GHR: variants seen among roughly 807,000 people sequenced by gnomAD.
GHR encodes the protein growth hormone receptor, also known as GH receptor.
Under a neutral mutation model 67.1 loss-of-function variants are expected in GHR, and 35 were observed. That is an observed-to-expected ratio of 0.52 (90% confidence interval 0.40 to 0.69). GHR has a LOEUF of 0.69. GHR is among the 30% of genes least tolerant of loss of function. The probability of loss-of-function intolerance (pLI) is 0.00; values close to 1 mark genes in which losing one functional copy is unlikely to be tolerated. For synonymous variants in GHR, 272 were observed against 269.1 expected, an observed-to-expected ratio of 1.01 and a Z score of -0.10; for missense variants, 792 against 764.6, an observed-to-expected ratio of 1.04 and a Z score of -0.42.
At chr5:42,692,096 A>C (rs1757448047) in intron 4 of GHR, among the ~76,000 whole-genome samples, 1 of 152,180 alleles carries the variant, frequency 6.6e-6, no homozygotes, top group Non-Finnish European at 1.5e-5. Context: ...TTTCTATACA[A>C]GGTTGTGTGG....
chr5:42,718,772 A>G lies in GHR; in HGVS notation c.1265A>G (p.Asp422Gly). The change falls in exon 10 of 10, where the codon GAT (aspartate) becomes GGT (glycine). Residue 422 changes from aspartate (D) to glycine (G), a missense_variant. By Grantham distance (94) the Asp-to-Gly change is moderately conservative. Transcript: ENST00000230882. Reference protein sequence around the residue: ...AQPQRLKGEADLLCLDQKNQN... With the variant: ...AQPQRLKGEAGLLCLDQKNQN... ...CCACAGAGGTTAAAAGGGGAAGCAG[A>G]TCTCTTATGCCTTGACCAGAAGAAT... The G allele has an allele frequency of 6.2e-7, 1 of 1,614,162 alleles. No homozygotes were observed. The highest frequency in any genetic ancestry group is 8.5e-7 in the Non-Finnish European group (1 of 1,180,018).
chr5:42,674,661 C>T lies in GHR; in HGVS notation c.137-14229C>T, dbSNP rs548096186. Among the ~76,000 whole-genome samples the T allele has an allele frequency of 5.9e-5, 9 of 152,254 alleles. 3 individuals carry two copies. Among genetic ancestry groups the T allele is most frequent in the African/African-American group, 1.9e-4 (8 of 41,568 alleles). On this transcript the variant is annotated intron_variant, in intron 3 of 9. Coordinates refer to ENST00000230882, the MANE Select transcript of GHR (RefSeq NM_000163.5). ...ATAGCAACATATTTTCAAGGTCATT[C>T]GTGTTGTAGCATGTATCAGTATTTT...
chr5:42,463,328 A>G (rs1304072454), intron 1 of GHR, among the ~76,000 whole-genome samples: 1 of 152,230 alleles, frequency 6.6e-6, no homozygotes, highest in Non-Finnish European at 1.5e-5. Flanking sequence ...AAATGTTTTT[A>G]TGCCTTGTTG....
At chr5:42,653,169 G>C (rs1755090961) in intron 3 of GHR, among the ~76,000 whole-genome samples, 1 of 152,130 alleles carries the variant, frequency 6.6e-6, no homozygotes, top group East Asian at 1.9e-4. Flanking sequence ...ATGAGCTTTA[G>C]TATGTGGATA....
intron 1 of GHR, among the ~76,000 whole-genome samples, chr5:42,432,484 A>G (rs1743137391): frequency 6.6e-6 from 1 of 152,224 alleles, no homozygotes; most frequent in Non-Finnish European, 1.5e-5. Flanking sequence ...CTTCGTCACT[A>G]TGTGGCACAT....
rs192379213 is a variant in GHR at position 42,433,365 on chromosome 5, T to A, written c.-12+9410T>A. The stretch of plus-strand genomic sequence containing the variant: ...TATGTTGAATAAATAAGTTTTTTTT[T>A]AAATTAGCCTACAGGATGTAAGTCT... On this transcript the variant is annotated intron_variant, in intron 1 of 9. Transcript: ENST00000230882. Among the ~76,000 whole-genome samples the A allele has an allele frequency of 8.4e-3, 1,272 of 152,286 alleles. 49 individuals carry two copies. The East Asian group carries it at 0.11, about 13-fold the overall frequency.
At chr5:42,493,097 T>C (rs534433922) in intron 1 of GHR, among the ~76,000 whole-genome samples, 1 of 152,282 alleles carries the variant, frequency 6.6e-6, no homozygotes, top group South Asian at 2.1e-4. Context: ...AAAATTGTGT[T>C]TTCAAAGGGT....
Position 42,424,626 on chromosome 5 carries a change from T to C in GHR, c.-12+671T>C. On this transcript the variant is annotated intron_variant, in intron 1 of 9. Coordinates refer to ENST00000230882, the MANE Select transcript of GHR (RefSeq NM_000163.5). This position sits in a 1 kb window ranked among gnomAD's most constrained non-coding sequence, Gnocchi z 4.1. ...AAGTGGAAATTGTGGCGAGCCGACC[T>C]CCCCCAGCTTTTGACACACTAGTGG... 1.3e-6 allele frequency: 2 copies of C among 1,528,420 alleles called. No individual in the cohort carries two copies. The highest frequency in any genetic ancestry group is 1.8e-6 in the Non-Finnish European group (2 of 1,140,430). The allele number at this position is 1,528,420 out of a possible 1,614,324, so 94.7% of individuals were successfully genotyped here.
chr5:42,669,086 T>C (rs1489885243), intron 3 of GHR, among the ~76,000 whole-genome samples: 1 of 152,176 alleles, frequency 6.6e-6, no homozygotes, highest in Non-Finnish European at 1.5e-5. Context: ...AGGAAACTGG[T>C]CCAGCCCCTT....
At chr5:42,465,791 C>T in intron 1 of GHR, 1 of 797,442 alleles carries the variant, frequency 1.3e-6, no homozygotes. Context: ...TTCACGTCCA[C>T]TGCCCTCTCG....
intron 2 of GHR, among the ~76,000 whole-genome samples, chr5:42,586,382 C>T (rs923358082): frequency 6.6e-6 from 1 of 152,170 alleles, no homozygotes; most frequent in Non-Finnish European, 1.5e-5. Context: ...CAGTAATGGG[C>T]TTTATGGCAA....
intron 1 of GHR, among the ~76,000 whole-genome samples, chr5:42,508,053 G>T (rs1746852550): frequency 6.6e-6 from 1 of 152,214 alleles, no homozygotes; most frequent in Non-Finnish European, 1.5e-5. Context: ...TGCCAAAAAA[G>T]AATGGCATAT....
At chr5:42,608,265 G>C (rs190268944) in intron 2 of GHR, among the ~76,000 whole-genome samples, 4 of 152,164 alleles carry the variant, frequency 2.6e-5, no homozygotes, top group Admixed American at 2.6e-4. Flanking sequence ...ACTAGACCAC[G>C]TTTATATAGG....
chr5:42,513,294 A>G (rs1747100460), intron 1 of GHR, among the ~76,000 whole-genome samples: 1 of 152,206 alleles, frequency 6.6e-6, no homozygotes, highest in Non-Finnish European at 1.5e-5. Flanking sequence ...TAGGGCTATA[A>G]TAGGAAATAC....
intron 6 of GHR, among the ~76,000 whole-genome samples, chr5:42,704,086 G>A (rs1758060055): frequency 6.6e-6 from 1 of 151,882 alleles, no homozygotes; most frequent in Non-Finnish European, 1.5e-5. Flanking sequence ...GTAGAATAGA[G>A]TAGAGGAGTT....
At chr5:42,489,609 A>G (rs1225822844) in intron 1 of GHR, among the ~76,000 whole-genome samples, 8 of 152,218 alleles carry the variant, frequency 5.3e-5, no homozygotes, top group Admixed American at 5.2e-4. Flanking sequence ...AGTTATTATC[A>G]TACAGTGACA....
rs1377942087 is a variant in GHR, at chr5:42,458,267, G to A, written c.-12+34312G>A. Among the ~76,000 whole-genome samples the A allele has an allele frequency of 2.0e-5, 3 of 152,190 alleles. No homozygotes were observed. In the East Asian group the frequency reaches 5.8e-4, roughly 29 times the overall value. On this transcript the variant is annotated intron_variant, in intron 1 of 9. Transcript: ENST00000230882. ...ACAGTAACCAAAACAGCATGTCACTGGCACAAAAACAGACACATAGACAAA... is the reference window on the plus strand; with the variant it reads ...ACAGTAACCAAAACAGCATGTCACTAGCACAAAAACAGACACATAGACAAA...
chr5:42,713,556 A>G (rs772941995), intron 8 of GHR, 37 bp downstream of exon 8: 4 of 885,850 alleles, frequency 4.5e-6, no homozygotes, highest in Non-Finnish European at 7.6e-6. Context: ...ATTTTGTACC[A>G]GTTGTTTAGA....
At position 42,562,627 on chromosome 5, in the gene GHR, A is replaced by G. The variant is rs552937277; in HGVS notation, c.-11-3237A>G. Among the ~76,000 whole-genome samples the G allele has an allele frequency of 1.5e-3, 222 of 150,044 alleles. 2 individuals are homozygous for G. Among genetic ancestry groups the G allele is most frequent in the Middle Eastern group, 3.5e-3 (1 of 284 alleles). ...CTATGGACATATGTTCAGCTTGTAA[A>G]GGAAGTGTTATAGTTCCTTTTTTTT... On this transcript the variant is annotated intron_variant, in intron 1 of 9. Coordinates refer to ENST00000230882, the MANE Select transcript of GHR (RefSeq NM_000163.5).
Sources: allele counts gnomAD v4.1 joint callset (sites outside exome capture counted in the v4.1 genomes callset), GRCh38; gene constraint gnomAD v4.1.1; non-coding constraint Gnocchi (gnomAD v3.1); transcripts MANE v1.5; gene names NCBI Gene and HGNC (gene_info 2026-07-23, HGNC 2026-07-21).